The following TEX10 variants were observed in gnomAD, a reference collection of about 807,000 sequenced individuals.
TEX10 encodes the protein testis-expressed protein 10.
Under a neutral mutation model 104.4 loss-of-function variants are expected in TEX10, and 24 were observed. That is an observed-to-expected ratio of 0.23 (90% confidence interval 0.17 to 0.32). The LOEUF is 0.32. Ranked by LOEUF, TEX10 falls within the 10% of genes least tolerant of loss-of-function variation. The pLI, the probability that TEX10 is intolerant of heterozygous loss-of-function variation, is 1.00. For missense variants in TEX10, 921 were observed against 1,083.9 expected (o/e 0.85, Z 2.11); for synonymous variants, 396 against 393.4 (o/e 1.01, Z -0.08).
intron 5 of TEX10, among the ~76,000 whole-genome samples, chr9:100,332,360 C>T (rs554980574): frequency 2.0e-5 from 3 of 152,232 alleles, no homozygotes; most frequent in Non-Finnish European, 2.9e-5. Flanking sequence ...TATTACAATC[C>T]GGAAAGTCTC....
At chr9:100,310,233 GAA>G in intron 12 of TEX10, 64 bp downstream of exon 12, 1 of 1,333,976 alleles carries the variant, frequency 7.5e-7, no homozygotes, top group Non-Finnish European at 1.1e-6. Context: ...TGGGGCTGTG[GAA>G]AACTCTATTC....
At chr9:100,349,486 C>T (rs182490990) in intron 1 of TEX10, 114 bp from the exon 2 acceptor site, 75 of 623,800 alleles carry the variant, frequency 1.2e-4, no homozygotes, top group Non-Finnish European at 4.9e-5. Context: ...AATCAAGAAT[C>T]TGATTATGCT....
intron 1 of TEX10, among the ~76,000 whole-genome samples, chr9:100,351,671 A>G (rs529300218): frequency 6.6e-6 from 1 of 152,166 alleles, no homozygotes; most frequent in African/African-American, 2.4e-5. Flanking sequence ...ACTTCATGCC[A>G]TATTATCTAT....
At chr9:100,308,725 C>T in intron 12 of TEX10, 44 bp from the exon 13 acceptor site, 2 of 1,459,330 alleles carry the variant, frequency 1.4e-6, no homozygotes. Flanking sequence ...CATAACAGAC[C>T]CGCTCCTCCA....
intron 5 of TEX10, among the ~76,000 whole-genome samples, chr9:100,334,303 G>C (rs1316392519): frequency 6.6e-6 from 1 of 151,652 alleles, no homozygotes; most frequent in African/African-American, 2.4e-5. Context: ...CAACAGTTAA[G>C]ACTCATAGCT....
chr9:100,324,562 T>C (rs1342387452), intron 9 of TEX10, among the ~76,000 whole-genome samples: 1 of 152,222 alleles, frequency 6.6e-6, no homozygotes, highest in East Asian at 1.9e-4. Context: ...GAGTCTGTAT[T>C]ATCAGTATTT....
intron 11 of TEX10, 55 bp downstream of exon 11, chr9:100,320,210 T>C (rs1834531699): frequency 6.6e-7 from 1 of 1,505,918 alleles, no homozygotes; most frequent in Non-Finnish European, 9.0e-7. Flanking sequence ...TAACTATTAC[T>C]GGTTGATGAA....
At chr9:100,308,830 G>T in intron 12 of TEX10, 149 bp from the exon 13 acceptor site, 1 of 600,998 alleles carries the variant, frequency 1.7e-6, no homozygotes. Context: ...CACACCTTAA[G>T]GTCCTGTTTT....
At chr9:100,332,817 T>C in intron 5 of TEX10, among the ~76,000 whole-genome samples, 1 of 144,526 alleles carries the variant, frequency 6.9e-6, no homozygotes, top group East Asian at 2.0e-4. Context: ...CGAAACTCCA[T>C]CTCAAAAAAA....
intron 8 of TEX10, among the ~76,000 whole-genome samples, chr9:100,326,955 G>A (rs1342535159): frequency 6.6e-6 from 1 of 152,082 alleles, no homozygotes; most frequent in African/African-American, 2.4e-5. Context: ...CAGACAAATG[G>A]ATAAATACCA....
At chr9:100,308,837 T>C (rs1438926875) in intron 12 of TEX10, among the ~76,000 whole-genome samples, 156 bp from the exon 13 acceptor site, 1 of 152,238 alleles carries the variant, frequency 6.6e-6, no homozygotes, top group Non-Finnish European at 1.5e-5. Flanking sequence ...TAAGGTCCTG[T>C]TTTCCTTTGA....
intron 13 of TEX10, chr9:100,304,055 C>G (rs979239907): frequency 2.9e-5 from 17 of 579,518 alleles, no homozygotes; most frequent in South Asian, 8.1e-5. Context: ...GGTGAAAGAT[C>G]TCTACAAGAA....
At chr9:100,348,227 T>C (rs1835350503) in intron 2 of TEX10, among the ~76,000 whole-genome samples, 2 of 152,208 alleles carry the variant, frequency 1.3e-5, no homozygotes, top group Non-Finnish European at 2.9e-5. Context: ...AGCAAATCTA[T>C]AGATATCAGA....
At chr9:100,321,015 A>G (rs889924571) in intron 10 of TEX10, among the ~76,000 whole-genome samples, 2 of 152,222 alleles carry the variant, frequency 1.3e-5, no homozygotes, top group Non-Finnish European at 2.9e-5. Context: ...TGTTCAAATC[A>G]CTATACTTCT....
intron 13 of TEX10, chr9:100,304,268 C>A: frequency 4.5e-6 from 1 of 223,196 alleles, no homozygotes; most frequent in Middle Eastern, 1.8e-3. Context: ...CACATGGAAC[C>A]AAAAAAGCCA....
chr9:100,352,782 G>A lies in TEX10; in HGVS notation c.-20C>T, dbSNP rs1835495703. ...GCGACGGCCGCTTACCTGAGGACCC[G>A]GCCGCGGCCGGGGCGAGAAGCCCGA... On this transcript the variant is annotated 5_prime_UTR_variant, in exon 1 of 15. Transcript: ENST00000374902. 1 of 1,089,062 alleles carries A rather than the reference G, an allele frequency of 9.2e-7. No individual in the cohort carries two copies. Among genetic ancestry groups the A allele is most frequent in the Non-Finnish European group, 1.1e-6 (1 of 898,718 alleles). 67.5% of individuals were successfully genotyped at this position (1,089,062 alleles called of 1,614,324 possible). A position where few individuals can be genotyped will look rare whatever the true frequency, so the allele number is the denominator to read the frequency against.
At chr9:100,349,575 CA>C (rs936773622) in intron 1 of TEX10, among the ~76,000 whole-genome samples, 2 of 152,176 alleles carry the variant, frequency 1.3e-5, no homozygotes, top group African/African-American at 4.8e-5. Context: ...AACAAGGCAA[CA>C]GTCTTGCCAC....
At chr9:100,350,387 A>T (rs1039553973) in intron 1 of TEX10, among the ~76,000 whole-genome samples, 1 of 152,172 alleles carries the variant, frequency 6.6e-6, no homozygotes, top group Admixed American at 6.5e-5. Flanking sequence ...CAGCTGTTCT[A>T]TTCCTCATAC....
chr9:100,329,073 T>C, intron 7 of TEX10, 67 bp downstream of exon 7: 1 of 1,430,572 alleles, frequency 7.0e-7, no homozygotes. Context: ...TCTAAAATTA[T>C]TTAAATACTT....
Sources: allele counts gnomAD v4.1 joint callset (sites outside exome capture counted in the v4.1 genomes callset), GRCh38; gene constraint gnomAD v4.1.1; transcripts MANE v1.5; gene names NCBI Gene and HGNC (gene_info 2026-07-23, HGNC 2026-07-21).